TRHDE: variants seen among roughly 807,000 people sequenced by gnomAD.
TRHDE encodes thyrotropin releasing hormone degrading enzyme, also known as thyrotropin-releasing hormone-degrading ectoenzyme.
TRHDE carries 72 observed loss-of-function variants against 125.7 expected under a neutral mutation model. That is an observed-to-expected ratio of 0.57 (90% CI 0.47 to 0.70). The LOEUF is 0.70. Ranked by LOEUF, TRHDE falls within the 30% of genes least tolerant of loss-of-function variation. TRHDE has a pLI of 0.00. For synonymous variants in TRHDE, 509 were observed against 509.1 expected (o/e 1.00, Z 0.00); for missense variants, 1,110 against 1,327.1 (o/e 0.84, Z 2.54).
In TRHDE at chr12:72,580,797, T is replaced by C. The variant is rs138022084; in HGVS notation, c.2321+5255T>C. The stretch of plus-strand genomic sequence containing the variant: ...GATAAAGCATGGTTATATTGGGGGA[T>C]ATAAAAGTGAACAAGATGCATTTCT... On this transcript the variant is annotated intron_variant, in intron 12 of 18. Transcript: ENST00000261180. 8.7e-4 allele frequency among the ~76,000 whole-genome samples: 133 copies of C among 152,318 alleles called. 1 individual carries two copies. The highest frequency in any genetic ancestry group is 3.1e-3 in the African/African-American group (130 of 41,568).
chr12:72,222,021 G>A (rs193021430), intron 2 of TRHDE, among the ~76,000 whole-genome samples: 69 of 152,204 alleles, frequency 4.5e-4, no homozygotes, highest in African/African-American at 1.6e-3. Context: ...CAATGTGGAA[G>A]CTTCAGGGAC....
At chr12:72,107,495 T>C (rs1875214744) in intron 2 of TRHDE, among the ~76,000 whole-genome samples, 1 of 152,146 alleles carries the variant, frequency 6.6e-6, no homozygotes, top group South Asian at 2.1e-4. Flanking sequence ...TGACTTCATC[T>C]GCTGGATCTC....
chr12:72,575,512 G>A lies in TRHDE; in HGVS notation c.2291G>A (p.Gly764Asp), dbSNP rs1032850885. The change falls in exon 12 of 19, where the codon GGC becomes GAC. Residue 764 changes from glycine (G) to aspartate (D), a missense_variant. Physicochemically the swap from Gly to Asp is moderately conservative, Grantham distance 94 (BLOSUM62 -1). Around this residue, in one of 5 missense-constraint regions of TRHDE, gnomAD observed 527 missense variants for 651.8 expected, o/e 0.81. Coordinates refer to ENST00000261180, the MANE Select transcript of TRHDE (RefSeq NM_013381.3). ...GTTCTTTCTGTCAGTAACCGAGCGG[G>A]CTTGATCGATGATGCCTTCAGCCTA... Reference protein sequence around the residue: ...HEVLSVSNRAGLIDDAFSLAR... With the variant: ...HEVLSVSNRADLIDDAFSLAR... The A allele has an allele frequency of 6.2e-7, 1 of 1,613,454 alleles. No homozygotes were observed. The highest frequency in any genetic ancestry group is 1.3e-5 in the African/African-American group (1 of 74,854).
intron 2 of TRHDE, among the ~76,000 whole-genome samples, chr12:72,289,470 C>T (rs1055521952): frequency 1.5e-4 from 23 of 152,050 alleles, no homozygotes; most frequent in Non-Finnish European, 2.8e-4. Flanking sequence ...TTTTGTTTAC[C>T]CATCCCCAAA....
At chr12:72,576,666 A>C (rs534188422) in intron 12 of TRHDE, among the ~76,000 whole-genome samples, 80 of 152,296 alleles carry the variant, frequency 5.3e-4, no homozygotes, top group African/African-American at 1.7e-3. Context: ...TATTTAAAAA[A>C]ATACTCTGAC....
rs868172181 is a variant in TRHDE at position 72,479,647 on chromosome 12, G to T, written c.1584+6467G>T. Among the ~76,000 whole-genome samples, 160 of 148,876 alleles carry T rather than the reference G, an allele frequency of 1.1e-3. 3 individuals are homozygous for T. The highest frequency in any genetic ancestry group is 2.7e-3 in the African/African-American group (111 of 40,492). ...ACATGTTTTTAAAGGATTTTTTTTT[G>T]TTTTTTTTTAATTTTTATTTTATTA... On this transcript the variant is annotated intron_variant, in intron 5 of 18. Coordinates refer to ENST00000261180, the MANE Select transcript of TRHDE (RefSeq NM_013381.3).
At chr12:72,219,146 T>A (rs2139366894) in intron 2 of TRHDE, among the ~76,000 whole-genome samples, 1 of 150,972 alleles carries the variant, frequency 6.6e-6, no homozygotes, top group Non-Finnish European at 1.5e-5. Flanking sequence ...GCAATTATTT[T>A]AAAATGTTTT....
intron 10 of TRHDE, among the ~76,000 whole-genome samples, chr12:72,571,651 G>GT (rs578089898): frequency 1.4e-4 from 21 of 152,128 alleles, no homozygotes; most frequent in Non-Finnish European, 1.6e-4. Context: ...TAGCTTGCAT[G>GT]TTGACTGGCT....
At chr12:72,125,824 C>T (rs900139557) in intron 2 of TRHDE, among the ~76,000 whole-genome samples, 8 of 152,104 alleles carry the variant, frequency 5.3e-5, no homozygotes, top group Non-Finnish European at 1.2e-4. Flanking sequence ...TGAGGTGATC[C>T]CTATGATTTG....
rs766622404 is a variant in TRHDE at position 72,286,466 on chromosome 12, A to G, written c.915-215A>G. Among the ~76,000 whole-genome samples, 23 of 152,300 alleles carry G rather than the reference A, an allele frequency of 1.5e-4. 1 individual carries two copies. Among genetic ancestry groups the G allele is most frequent in the Admixed American group, 8.5e-4 (13 of 15,296 alleles). ...TCTCTGGGTTTAACGAATTTATTTT[A>G]ATTGAGGCAGAAACCTCCCTGAAAA... On this transcript the variant is annotated intron_variant, in intron 1 of 18. Coordinates refer to ENST00000261180, the MANE Select transcript of TRHDE (RefSeq NM_013381.3).
At chr12:72,157,262 T>G (rs1449494931) in intron 2 of TRHDE, among the ~76,000 whole-genome samples, 1 of 151,958 alleles carries the variant, frequency 6.6e-6, no homozygotes, top group Non-Finnish European at 1.5e-5. Context: ...GACAGAGAGG[T>G]AGCTAGGATC....
At chr12:72,371,429 T>C (rs559599097) in intron 2 of TRHDE, among the ~76,000 whole-genome samples, 100 of 151,806 alleles carry the variant, frequency 6.6e-4, no homozygotes, top group African/African-American at 2.3e-3. Flanking sequence ...TTAGGGTACA[T>C]GTGCACAATG....
At chr12:72,466,277 TCCTGTGCTATTTGAG>T (rs1362616586) in intron 3 of TRHDE, among the ~76,000 whole-genome samples, 8 of 152,192 alleles carry the variant, frequency 5.3e-5, no homozygotes, top group African/African-American at 1.9e-4. Flanking sequence ...AGAGTCTTCT[TCCTGTGCTATTTGAG>T]CCAATCCAAA....
intron 2 of TRHDE, among the ~76,000 whole-genome samples, chr12:72,248,547 C>T (rs1480569329): frequency 2.0e-5 from 3 of 151,594 alleles, no homozygotes; most frequent in African/African-American, 4.8e-5. Context: ...GAGACTAACC[C>T]ATTTCAGAGG....
At chr12:72,360,478 A>G (rs1253870101) in intron 2 of TRHDE, among the ~76,000 whole-genome samples, 2 of 151,824 alleles carry the variant, frequency 1.3e-5, no homozygotes, top group Admixed American at 6.6e-5. Context: ...GAGTCAATAA[A>G]CATATAAAAT....
intron 2 of TRHDE, among the ~76,000 whole-genome samples, chr12:72,331,691 G>A (rs1330865359): frequency 1.3e-5 from 2 of 152,154 alleles, no homozygotes; most frequent in East Asian, 1.9e-4. Flanking sequence ...GGCACTCTAC[G>A]AGATGTGTGT....
intron 2 of TRHDE, among the ~76,000 whole-genome samples, chr12:72,151,181 G>C (rs565313535): frequency 1.3e-5 from 2 of 152,094 alleles, no homozygotes; most frequent in African/African-American, 2.4e-5. Context: ...GTGTCTGTTG[G>C]GTGCATAAAT....
chr12:72,641,847 C>T (rs1240992786), intron 15 of TRHDE, among the ~76,000 whole-genome samples: 4 of 151,816 alleles, frequency 2.6e-5, no homozygotes, highest in Admixed American at 6.6e-5. Context: ...TTTTTCATTC[C>T]ACAGTTTTTA....
intron 6 of TRHDE, among the ~76,000 whole-genome samples, chr12:72,507,018 A>C (rs1385708114): frequency 3.3e-5 from 5 of 151,586 alleles, no homozygotes; most frequent in African/African-American, 1.2e-4. Context: ...ATACCACCTC[A>C]CCCTACTCTC....
Sources: gnomAD v4.1 joint callset for allele counts (sites outside exome capture counted in the v4.1 genomes callset) on GRCh38, gnomAD v4.1.1 for gene constraint, gnomAD v4.1.1 regional missense constraint, MANE v1.5 for transcripts, NCBI Gene and HGNC (gene_info 2026-07-23, HGNC 2026-07-21) for gene names.